ERC2: variants seen among roughly 807,000 people sequenced by gnomAD.
The protein encoded by ERC2 is ERC protein 2.
A neutral mutation model predicts 114.8 loss-of-function variants in ERC2; 42 were observed. The observed-to-expected ratio is 0.37, with a 90% CI of 0.29 to 0.47. The LOEUF (loss-of-function observed/expected upper bound fraction) is 0.47. ERC2 is among the 20% of genes least tolerant of loss of function. The pLI, the probability that ERC2 is intolerant of heterozygous loss-of-function variation, is 0.99. For missense variants in ERC2, 939 were observed against 1,150.7 expected, an observed-to-expected ratio of 0.82 and a Z score of 2.66; for synonymous variants, 454 against 425.5, an observed-to-expected ratio of 1.07 and a Z score of -0.82.
At chr3:56,003,092 G>T in intron 10 of ERC2, 1 of 1,289,384 alleles carries the variant, frequency 7.8e-7, no homozygotes, top group Non-Finnish European at 1.0e-6. Context: ...TTTCAGAAAT[G>T]ACTTACTGGG....
At chr3:56,408,762 A>G (rs2060823281) in intron 2 of ERC2, among the ~76,000 whole-genome samples, 1 of 152,248 alleles carries the variant, frequency 6.6e-6, no homozygotes, top group South Asian at 2.1e-4. Context: ...AGACAGCGTC[A>G]GGAGAGAAGG....
intron 3 of ERC2, among the ~76,000 whole-genome samples, chr3:56,176,964 TTCTA>T (rs925633405): frequency 3.9e-5 from 6 of 152,222 alleles, no homozygotes; most frequent in African/African-American, 1.4e-4. Context: ...CTCCCTCTTT[TTCTA>T]TCTACTAGCT....
At chr3:55,548,089 C>T (rs2054886092) in intron 17 of ERC2, among the ~76,000 whole-genome samples, 1 of 152,202 alleles carries the variant, frequency 6.6e-6, no homozygotes, top group South Asian at 2.1e-4. Context: ...TCACAGACAG[C>T]AGGAGGTCTC....
chr3:56,409,223 G>A (rs1379258656), intron 2 of ERC2, among the ~76,000 whole-genome samples: 1 of 152,110 alleles, frequency 6.6e-6, no homozygotes, highest in Non-Finnish European at 1.5e-5. Context: ...CATGTGTCCA[G>A]GCTCACCAAA....
At chr3:55,563,054 A>G (rs1410399276) in intron 17 of ERC2, among the ~76,000 whole-genome samples, 1 of 152,202 alleles carries the variant, frequency 6.6e-6, no homozygotes. Flanking sequence ...GGTCAAAGAA[A>G]CACATGAATC....
intron 17 of ERC2, among the ~76,000 whole-genome samples, chr3:55,595,205 G>A (rs1445011981): frequency 6.6e-6 from 1 of 152,188 alleles, no homozygotes; most frequent in Non-Finnish European, 1.5e-5. Context: ...ACACAAGAGA[G>A]TTTATTAATC....
chr3:56,010,387 G>A (rs1253689380), intron 9 of ERC2, 62 bp downstream of exon 9: 2 of 1,560,480 alleles, frequency 1.3e-6, no homozygotes, highest in Non-Finnish European at 1.7e-6. Context: ...GTCTCTTGCA[G>A]CTTCATTGAA....
intron 14 of ERC2, among the ~76,000 whole-genome samples, chr3:55,855,379 C>T (rs7636943): frequency 0.095 from 14,538 of 152,294 alleles, 852 homozygotes; most frequent in South Asian, 0.16. Flanking sequence ...ATTTGATTTA[C>T]AACGCTGTTC....
intron 2 of ERC2, among the ~76,000 whole-genome samples, chr3:56,380,374 T>G (rs1470904140): frequency 6.6e-6 from 1 of 152,112 alleles, no homozygotes; most frequent in African/African-American, 2.4e-5. Flanking sequence ...CATCTCCAAT[T>G]CATACAGGGA....
At chr3:56,207,643 T>C (rs988658723) in intron 3 of ERC2, among the ~76,000 whole-genome samples, 2 of 152,144 alleles carry the variant, frequency 1.3e-5, no homozygotes, top group Non-Finnish European at 2.9e-5. Context: ...GGAACTTTTC[T>C]CAAGAAGAAA....
intron 17 of ERC2, among the ~76,000 whole-genome samples, chr3:55,654,602 C>T (rs186371545): frequency 1.3e-5 from 2 of 152,222 alleles, no homozygotes; most frequent in Non-Finnish European, 1.5e-5. Context: ...AATGGAGTCT[C>T]GCAGATCTTT....
At chr3:55,973,104 C>T (rs1376861700) in intron 12 of ERC2, among the ~76,000 whole-genome samples, 3 of 152,140 alleles carry the variant, frequency 2.0e-5, no homozygotes, top group African/African-American at 4.8e-5. Context: ...GAGGAGGGAA[C>T]AGGGGCCTCC....
chr3:56,077,778 A>T (rs1394354008), intron 7 of ERC2, among the ~76,000 whole-genome samples: 4 of 152,192 alleles, frequency 2.6e-5, no homozygotes, highest in African/African-American at 9.7e-5. Context: ...ATATATTCCT[A>T]AAGACAAAAA....
chr3:56,040,026 G>A (rs780417560), intron 7 of ERC2, among the ~76,000 whole-genome samples: 1 of 152,018 alleles, frequency 6.6e-6, no homozygotes, highest in Non-Finnish European at 1.5e-5. Context: ...ACAAGAGCTG[G>A]AACTGCAAAA....
rs2055423797 is a variant in ERC2, at chr3:56,296,199, G to T, written c.894C>A (p.Leu298=). 1 of 1,614,012 alleles carries T rather than the reference G, an allele frequency of 6.2e-7. No homozygotes were observed. The highest frequency in any genetic ancestry group is 2.2e-5 in the East Asian group (1 of 44,874). ...ELRIETQKQT[L]NARDESIKKL... is the part of the protein sequence containing the mutation. Reference sequence around the variant, plus strand: ...TTTTAATTGACTCATCTCGGGCATTGAGGGTTTGTTTCTGCGTTTCAATTC... The same window carrying T: ...TTTTAATTGACTCATCTCGGGCATTTAGGGTTTGTTTCTGCGTTTCAATTC... The change falls in exon 3 of 18, where the codon CTC becomes CTA. Residue 298 remains leucine (L), a synonymous_variant. Coordinates refer to ENST00000288221, the MANE Select transcript of ERC2 (RefSeq NM_015576.3).
intron 2 of ERC2, among the ~76,000 whole-genome samples, chr3:56,409,423 T>G (rs2060853817): frequency 6.6e-6 from 1 of 151,900 alleles, no homozygotes; most frequent in Admixed American, 6.6e-5. Flanking sequence ...AACAATGACT[T>G]TAAAATGCTA....
At chr3:55,659,812 C>G (rs1476498109) in intron 17 of ERC2, among the ~76,000 whole-genome samples, 3 of 151,960 alleles carry the variant, frequency 2.0e-5, no homozygotes, top group African/African-American at 7.3e-5. Flanking sequence ...CTGGGCTATT[C>G]TCCTCTGCCG....
intron 14 of ERC2, among the ~76,000 whole-genome samples, chr3:55,768,424 G>A (rs1429305644): frequency 6.6e-6 from 1 of 152,192 alleles, no homozygotes; most frequent in African/African-American, 2.4e-5. Context: ...GGATACAGTG[G>A]TGAACACAAA....
At chr3:56,086,883 G>A (rs2149774924) in intron 6 of ERC2, among the ~76,000 whole-genome samples, 1 of 152,134 alleles carries the variant, frequency 6.6e-6, no homozygotes, top group Middle Eastern at 3.4e-3. Context: ...TAGGTATATG[G>A]AATACCTTTC....
Sources: allele counts gnomAD v4.1 joint callset (sites outside exome capture counted in the v4.1 genomes callset), GRCh38; gene constraint gnomAD v4.1.1; transcripts MANE v1.5; gene names NCBI Gene and HGNC (gene_info 2026-07-23, HGNC 2026-07-21).